GRIN2A: variants seen among roughly 807,000 people sequenced by gnomAD.
GRIN2A encodes glutamate receptor ionotropic, NMDA 2A.
In GRIN2A, 22 loss-of-function variants were observed where a neutral mutation model predicts 113.4. The observed-to-expected ratio is 0.19, with a 90% CI of 0.14 to 0.28. GRIN2A has a LOEUF of 0.28. GRIN2A is among the 10% of genes least tolerant of loss of function. The pLI, the probability that GRIN2A is intolerant of heterozygous loss-of-function variation, is 1.00. For missense variants in GRIN2A, 1,502 were observed against 1,887.0 expected (o/e 0.80, Z 3.78); for synonymous variants, 827 against 738.4 (o/e 1.12, Z -1.94).
chr16:9,938,339 G>A lies in GRIN2A; in HGVS notation c.627C>T (p.Ser209=). 6.2e-7 allele frequency: 1 copy of A among 1,614,054 alleles called. No homozygotes were observed. The highest frequency in any genetic ancestry group is 8.5e-7 in the Non-Finnish European group (1 of 1,179,926). ...GGACTTGTGTCTTTGCATCCTCAAA[G>A]GAAGTGTCCAGTGTGATCACATTCT... The part of the protein sequence containing the change: ...DMQNVITLDT[S]FEDAKTQVQL... The change falls in exon 3 of 13, where the codon TCC becomes TCT. Residue 209 remains serine (S), a synonymous_variant. Transcript: ENST00000330684.
At chr16:10,037,927 A>G (rs1342287035) in intron 2 of GRIN2A, among the ~76,000 whole-genome samples, 1 of 152,036 alleles carries the variant, frequency 6.6e-6, no homozygotes, top group African/African-American at 2.4e-5. Flanking sequence ...CTCTACTCCC[A>G]TTTCTAAGCC....
rs886321537 is a variant in GRIN2A at position 10,025,759 on chromosome 16, C to T, written c.415-87208G>A. 5.9e-5 allele frequency among the ~76,000 whole-genome samples: 9 copies of T among 152,270 alleles called. No individual in the cohort carries two copies. In the South Asian group the frequency reaches 8.3e-4, roughly 14 times the overall value. On this transcript the variant is annotated intron_variant, in intron 2 of 12. Transcript: ENST00000330684. ...TGAGCCATCCCCTGCCTCCCTATAT[C>T]GGCTGGCAGAGACAGGCAGGCTAGG...
chr16:9,820,992 A>ATT (rs1344996858), intron 10 of GRIN2A, among the ~76,000 whole-genome samples: 1 of 152,140 alleles, frequency 6.6e-6, no homozygotes, highest in Non-Finnish European at 1.5e-5. Context: ...CACAGACTGA[A>ATT]AGGACAGAAT....
chr16:10,099,061 A>T (rs2048347569), intron 2 of GRIN2A, among the ~76,000 whole-genome samples: 1 of 152,170 alleles, frequency 6.6e-6, no homozygotes, highest in Non-Finnish European at 1.5e-5. Context: ...GAAAATGCTC[A>T]AAAAAACCAC....
chr16:10,069,653 C>T lies in GRIN2A; in HGVS notation c.414+110345G>A, dbSNP rs149635857. 2.0e-5 allele frequency among the ~76,000 whole-genome samples: 3 copies of T among 152,380 alleles called. No individual in the cohort carries two copies. In the East Asian group the frequency reaches 5.8e-4, roughly 29 times the overall value. On this transcript the variant is annotated intron_variant, in intron 2 of 12. Transcript: ENST00000330684. ...TTGGCCAGGGGCCATTAGATGCACA[C>T]ACTTGAGCAGAACAAAGTACATCAA...
intron 2 of GRIN2A, among the ~76,000 whole-genome samples, chr16:10,124,928 G>T (rs1359778932): frequency 6.6e-6 from 1 of 152,198 alleles, no homozygotes; most frequent in Non-Finnish European, 1.5e-5. Flanking sequence ...TCGTCAACCA[G>T]TGCAGAATAG....
At chr16:9,806,933 T>C (rs2041981598) in intron 10 of GRIN2A, among the ~76,000 whole-genome samples, 1 of 151,792 alleles carries the variant, frequency 6.6e-6, no homozygotes, top group African/African-American at 2.4e-5. Flanking sequence ...AAATGAATCA[T>C]GGGGCCAGTT....
At chr16:9,856,045 T>C (rs1315615602) in intron 4 of GRIN2A, among the ~76,000 whole-genome samples, 2 of 152,216 alleles carry the variant, frequency 1.3e-5, no homozygotes, top group Admixed American at 1.3e-4. Context: ...TAACACTGAT[T>C]AGGGCTTTAC....
intron 2 of GRIN2A, among the ~76,000 whole-genome samples, chr16:10,143,182 CTCTG>C (rs1277277528): frequency 6.6e-6 from 1 of 152,196 alleles, no homozygotes; most frequent in Non-Finnish European, 1.5e-5. Context: ...CACTGACTAA[CTCTG>C]TCTGGGTTGT....
chr16:9,778,269 G>T (rs138604866), intron 11 of GRIN2A, among the ~76,000 whole-genome samples: 1 of 152,198 alleles, frequency 6.6e-6, no homozygotes, highest in African/African-American at 2.4e-5. Flanking sequence ...CAGAAACCTT[G>T]TAGGAATCCA....
At chr16:10,021,072 G>T (rs1265770026) in intron 2 of GRIN2A, among the ~76,000 whole-genome samples, 1 of 152,164 alleles carries the variant, frequency 6.6e-6, no homozygotes, top group South Asian at 2.1e-4. Context: ...TTCAGCAGAA[G>T]TCCTTTCAGG....
At chr16:9,797,163 C>T (rs1903045553) in intron 11 of GRIN2A, among the ~76,000 whole-genome samples, 1 of 152,232 alleles carries the variant, frequency 6.6e-6, no homozygotes, top group African/African-American at 2.4e-5. Flanking sequence ...AGATTTTTCT[C>T]TCCCACCTGT....
intron 2 of GRIN2A, among the ~76,000 whole-genome samples, chr16:10,157,893 T>A (rs2049733033): frequency 6.6e-6 from 1 of 152,222 alleles, no homozygotes; most frequent in Non-Finnish European, 1.5e-5. Context: ...AGATTTTGTT[T>A]GTTTATTTGA....
intron 2 of GRIN2A, among the ~76,000 whole-genome samples, chr16:9,940,381 T>G (rs988765561): frequency 6.6e-6 from 1 of 152,178 alleles, no homozygotes; most frequent in Non-Finnish European, 1.5e-5. Context: ...TTAAAGTGGG[T>G]AATAGATTTA....
At position 9,763,142 on chromosome 16, in the gene GRIN2A, A is replaced by G; in HGVS notation, c.*7T>C. On this transcript the variant is annotated 3_prime_UTR_variant, in exon 13 of 13. Coordinates refer to ENST00000330684, the MANE Select transcript of GRIN2A (RefSeq NM_001134407.3). ...TTCCCTATAGATAAAACATTAATGG[A>G]AGATTTTTAAACATCAGATTCGATA... The G allele has an allele frequency of 3.7e-6, 6 of 1,613,370 alleles. No homozygotes were observed. The highest frequency in any genetic ancestry group is 4.2e-6 in the Non-Finnish European group (5 of 1,179,354).
chr16:9,790,348 C>T (rs896485720), intron 11 of GRIN2A, among the ~76,000 whole-genome samples: 1 of 152,220 alleles, frequency 6.6e-6, no homozygotes, highest in Non-Finnish European at 1.5e-5. Flanking sequence ...ACTCTGCACT[C>T]CCTCGCTGTG....
intron 2 of GRIN2A, among the ~76,000 whole-genome samples, chr16:10,081,372 A>C (rs1482312179): frequency 6.6e-6 from 1 of 152,178 alleles, no homozygotes; most frequent in African/African-American, 2.4e-5. Flanking sequence ...TGCTCCTTAC[A>C]TATGCCCCCA....
At chr16:10,114,036 G>C (rs1032354956) in intron 2 of GRIN2A, among the ~76,000 whole-genome samples, 1 of 151,714 alleles carries the variant, frequency 6.6e-6, no homozygotes, top group South Asian at 2.1e-4. Context: ...GAAAAAAAAA[G>C]ATTTAATTAG....
Position 10,013,781 on chromosome 16 carries a change from A to G in GRIN2A, c.415-75230T>C, listed in dbSNP as rs140217813. Among the ~76,000 whole-genome samples, 179 of 152,340 alleles carry G rather than the reference A, an allele frequency of 1.2e-3. 1 individual carries two copies. The highest frequency in any genetic ancestry group is 4.2e-3 in the African/African-American group (173 of 41,576). Reference sequence around the variant, plus strand: ...AATTATTCAATCTTTTTCCAGGCAAAGAGATTTTCTTTGGTGAAGAGAAAA... The same window carrying G: ...AATTATTCAATCTTTTTCCAGGCAAGGAGATTTTCTTTGGTGAAGAGAAAA... On this transcript the variant is annotated intron_variant, in intron 2 of 12. Coordinates refer to ENST00000330684, the MANE Select transcript of GRIN2A (RefSeq NM_001134407.3).
Sources: gnomAD v4.1 joint callset for allele counts (sites outside exome capture counted in the v4.1 genomes callset) on GRCh38, gnomAD v4.1.1 for gene constraint, MANE v1.5 for transcripts, NCBI Gene and HGNC (gene_info 2026-07-23, HGNC 2026-07-21) for gene names.